The following FANCL variants were observed in gnomAD, a reference collection of about 807,000 sequenced individuals.
The protein encoded by FANCL is FA complementation group L.
In FANCL, 69 loss-of-function variants were observed where a neutral mutation model predicts 59.4. That is an observed-to-expected ratio of 1.16 (90% CI 0.96 to 1.42). The LOEUF (loss-of-function observed/expected upper bound fraction) is 1.42, where lower values mean the gene tolerates loss of function less well. FANCL is among the 40% of genes most tolerant of loss of function. The pLI is 0.00. For missense variants in FANCL, 519 were observed against 447.2 expected (o/e 1.16, Z -1.45); for synonymous variants, 180 against 147.1 (o/e 1.22, Z -1.62).
At chr2:58,228,567 A>G (rs1298707204) in intron 3 of FANCL, among the ~76,000 whole-genome samples, 3 of 152,246 alleles carry the variant, frequency 2.0e-5, no homozygotes, top group African/African-American at 7.2e-5. Context: ...TATGGTTGCT[A>G]TAACGGCAGA....
intron 1 of FANCL, among the ~76,000 whole-genome samples, chr2:58,237,450 T>C (rs958932335): frequency 1.3e-5 from 2 of 152,122 alleles, no homozygotes; most frequent in Admixed American, 6.5e-5. Flanking sequence ...GTGTGTGATA[T>C]AGCTAAACCA....
intron 2 of FANCL, 95 bp downstream of exon 2, chr2:58,231,959 G>A (rs1219939503): frequency 4.9e-6 from 5 of 1,029,048 alleles, no homozygotes; most frequent in Non-Finnish European, 7.6e-6. Context: ...AGCATTTTAG[G>A]CAAAACTCTA....
intron 7 of FANCL, among the ~76,000 whole-genome samples, chr2:58,195,226 A>T (rs1390821018): frequency 2.0e-5 from 3 of 152,118 alleles, no homozygotes; most frequent in Non-Finnish European, 4.4e-5. Flanking sequence ...TCAAAACATA[A>T]ACTATCAACA....
At chr2:58,218,699 T>C (rs1162206287) in intron 5 of FANCL, among the ~76,000 whole-genome samples, 1 of 151,872 alleles carries the variant, frequency 6.6e-6, no homozygotes, top group African/African-American at 2.4e-5. Context: ...ATAATTCTGA[T>C]AGTGCTCTGC....
In FANCL at chr2:58,221,985, A is replaced by C; in HGVS notation, c.331T>G (p.Tyr111Asp). 1 of 1,613,496 alleles carries C rather than the reference A, an allele frequency of 6.2e-7. No individual in the cohort carries two copies. The change falls in exon 5 of 14, where the codon TAC becomes GAC. Residue 111 changes from tyrosine to aspartate, a missense_variant. Coordinates refer to ENST00000233741, the MANE Select transcript of FANCL (RefSeq NM_018062.4). The part of the protein sequence containing the change: ...LYALPPPPQF[Y>D]SSLIEEIGTL... ...CCTATCTCTTCAATAAGGCTTGAGTAGAACTGGGGAGGAGGAGGTAGTGCA... is the reference window on the plus strand; with the variant it reads ...CCTATCTCTTCAATAAGGCTTGAGTCGAACTGGGGAGGAGGAGGTAGTGCA...
intron 7 of FANCL, among the ~76,000 whole-genome samples, chr2:58,173,881 T>A (rs1384389507): frequency 6.6e-6 from 1 of 151,936 alleles, no homozygotes; most frequent in African/African-American, 2.4e-5. Context: ...TGTGCTGTAT[T>A]CAGGAAACAA....
intron 7 of FANCL, among the ~76,000 whole-genome samples, chr2:58,167,216 G>C (rs1434688325): frequency 1.3e-5 from 2 of 151,176 alleles, no homozygotes; most frequent in Non-Finnish European, 3.0e-5. Flanking sequence ...GTCTCAAAAA[G>C]AAAAAAAAGG....
chr2:58,240,378 C>T (rs1023567238), intron 1 of FANCL, among the ~76,000 whole-genome samples: 3 of 152,076 alleles, frequency 2.0e-5, no homozygotes, highest in African/African-American at 4.8e-5. Flanking sequence ...AAGGAAAAGT[C>T]TACACTCCTA....
Position 58,232,091 on chromosome 2 carries a change from T to C in FANCL, c.118A>G (p.Ile40Val). 1 of 1,613,332 alleles carries C rather than the reference T, an allele frequency of 6.2e-7. No homozygotes were observed. The highest frequency in any genetic ancestry group is 8.5e-7 in the Non-Finnish European group (1 of 1,179,494). The part of the protein sequence containing the change: ...SAQGRDFHLR[I>V]VLPEDLQLKN... ...AGTTGTAAATCTTCAGGCAACACTA[T>C]CCTAAGGTGGAAGTCTCTTCCCTGT... Residue 40 changes from isoleucine (I) to valine (V), a missense_variant, in exon 2 of 14, where the codon ATA becomes GTA. Physicochemically the swap from Ile to Val is conservative, Grantham distance 29. Coordinates refer to ENST00000233741, the MANE Select transcript of FANCL (RefSeq NM_018062.4).
At chr2:58,163,108 A>G (rs771100855) in intron 9 of FANCL, 34 bp from the exon 10 acceptor site, 10 of 1,558,210 alleles carry the variant, frequency 6.4e-6, no homozygotes, top group Admixed American at 1.7e-5. Context: ...TAATAATTGC[A>G]TGCTCTACTC....
At chr2:58,222,878 A>G (rs1692621132) in intron 4 of FANCL, among the ~76,000 whole-genome samples, 1 of 152,024 alleles carries the variant, frequency 6.6e-6, no homozygotes, top group Admixed American at 6.5e-5. Context: ...ATCAGCTACA[A>G]TAAATAACGA....
At chr2:58,188,880 C>A (rs138781333) in intron 7 of FANCL, among the ~76,000 whole-genome samples, 82 of 152,036 alleles carry the variant, frequency 5.4e-4, no homozygotes, top group Non-Finnish European at 1.1e-3. Context: ...ATATGCCCAT[C>A]AAAAGGTGAA....
intron 5 of FANCL, among the ~76,000 whole-genome samples, chr2:58,211,021 G>C (rs1691089126): frequency 6.6e-6 from 1 of 152,168 alleles, no homozygotes; most frequent in Non-Finnish European, 1.5e-5. Flanking sequence ...CTGGGGTCTG[G>C]AAGATGGTGG....
At chr2:58,197,135 T>C (rs1463623747) in intron 7 of FANCL, among the ~76,000 whole-genome samples, 1 of 151,414 alleles carries the variant, frequency 6.6e-6, no homozygotes, top group African/African-American at 2.4e-5. Flanking sequence ...TCAACTTCCA[T>C]TGTGGGGAGA....
upstream of FANCL, chr2:58,241,344 T>G (rs879697261): frequency 1.9e-6 from 3 of 1,607,804 alleles, no homozygotes; most frequent in South Asian, 2.2e-5. Flanking sequence ...ACAGAAAAGC[T>G]CTAGACCTGC....
intron 5 of FANCL, among the ~76,000 whole-genome samples, chr2:58,218,509 G>C (rs986617170): frequency 2.6e-5 from 4 of 151,548 alleles, no homozygotes; most frequent in African/African-American, 9.7e-5. Flanking sequence ...ATGAAACAGA[G>C]AATGTGACAA....
chr2:58,166,663 G>A (rs1685982572), intron 7 of FANCL, among the ~76,000 whole-genome samples: 1 of 152,168 alleles, frequency 6.6e-6, no homozygotes, highest in South Asian at 2.1e-4. Context: ...AGAAGGATTT[G>A]TTTCAAGTAC....
At chr2:58,232,185 C>T in intron 1 of FANCL, 73 bp from the exon 2 acceptor site, 6 of 1,206,352 alleles carry the variant, frequency 5.0e-6, no homozygotes, top group Non-Finnish European at 7.4e-6. Context: ...AACAGAATCA[C>T]AAAGAAAAGA....
At chr2:58,199,886 G>T (rs189147276) in intron 6 of FANCL, among the ~76,000 whole-genome samples, 20 of 151,918 alleles carry the variant, frequency 1.3e-4, no homozygotes, top group Middle Eastern at 3.4e-3. Context: ...ACTCTGCTGG[G>T]TAAGTAAAAG....
Sources: allele counts gnomAD v4.1 joint callset (sites outside exome capture counted in the v4.1 genomes callset), GRCh38; gene constraint gnomAD v4.1.1; transcripts MANE v1.5; gene names NCBI Gene and HGNC (gene_info 2026-07-23, HGNC 2026-07-21).